The following FAM161A variants were observed in gnomAD, a reference collection of about 807,000 sequenced individuals.
FAM161A encodes the protein FAM161 centrosomal protein A, also known as protein FAM161A.
A neutral mutation model predicts 70.9 loss-of-function variants in FAM161A; 57 were observed. That is an observed-to-expected ratio of 0.80 (90% confidence interval 0.65 to 1.00). FAM161A has a LOEUF of 1.00. FAM161A is among the 50% of genes least tolerant of loss of function. The pLI is 0.00. For synonymous variants in FAM161A, 299 were observed against 295.7 expected (o/e 1.01, Z -0.12); for missense variants, 880 against 836.0 (o/e 1.05, Z -0.65).
At chr2:61,842,693 C>A (rs1433373397) in intron 1 of FAM161A, among the ~76,000 whole-genome samples, 1 of 152,168 alleles carries the variant, frequency 6.6e-6, no homozygotes, top group Non-Finnish European at 1.5e-5. Flanking sequence ...CTATAAGGAG[C>A]CTCCTGAGTT....
chr2:61,821,380 AT>A (rs1464422773), downstream of FAM161A, among the ~76,000 whole-genome samples: 1 of 151,858 alleles, frequency 6.6e-6, no homozygotes, highest in South Asian at 2.1e-4. Flanking sequence ...TTATATACCA[AT>A]TTTTTTCCTT....
In FAM161A at chr2:61,839,637, G is replaced by T. The variant is rs1400286933; in HGVS notation, c.1367C>A (p.Pro456Gln). 6.2e-7 allele frequency: 1 copy of T among 1,614,162 alleles called. No individual in the cohort carries two copies. The highest frequency in any genetic ancestry group is 8.5e-7 in the Non-Finnish European group (1 of 1,180,024). Residue 456 changes from proline (P) to glutamine (Q), a missense_variant, in exon 3 of 7, where the codon CCA (proline) becomes CAA (glutamine). Coordinates refer to ENST00000404929, the MANE Select transcript of FAM161A (RefSeq NM_001201543.2). Reference sequence around the variant, plus strand: ...ATGTGGAGATGCATGAAGATCAAATGGTTTACACACTGTTAAGAGTTTTGG... The same window carrying T: ...ATGTGGAGATGCATGAAGATCAAATTGTTTACACACTGTTAAGAGTTTTGG... ...KSPKLLTVCK[P>Q]FDLHASPHAS...
At chr2:61,849,457 T>C (rs1005113608) in intron 1 of FAM161A, among the ~76,000 whole-genome samples, 1 of 151,530 alleles carries the variant, frequency 6.6e-6, no homozygotes, top group Non-Finnish European at 1.5e-5. Context: ...CTGGGCAACA[T>C]AGTGAGACCT....
In FAM161A at chr2:61,839,649, G is replaced by A. The variant is rs766107015; in HGVS notation, c.1355C>T (p.Thr452Ile). ...ATGAAGATCAAATGGTTTACACACT[G>A]TTAAGAGTTTTGGAGACTTGTGTTC... Reference protein sequence around the residue: ...LSEHKSPKLLTVCKPFDLHAS... With the variant: ...LSEHKSPKLLIVCKPFDLHAS... The change falls in exon 3 of 7, where the codon ACA (threonine) becomes ATA (isoleucine). Residue 452 changes from threonine (T) to isoleucine (I), a missense_variant. Transcript: ENST00000404929. 2 of 1,613,918 alleles carry A rather than the reference G, an allele frequency of 1.2e-6. No individual in the cohort carries two copies. Among genetic ancestry groups the A allele is most frequent in the East Asian group, 2.2e-5 (1 of 44,892 alleles).
chr2:61,827,092 T>C lies in FAM161A; in HGVS notation c.2006+12A>G. 6.2e-7 allele frequency: 1 copy of C among 1,613,084 alleles called. No homozygotes were observed. The highest frequency in any genetic ancestry group is 8.5e-7 in the Non-Finnish European group (1 of 1,179,688). Reference sequence around the variant, plus strand: ...TCAAAGGTAAGCCATTCAGACATCTTATATATGTTACCTTTCTTTGTCTTC... The same window carrying C: ...TCAAAGGTAAGCCATTCAGACATCTCATATATGTTACCTTTCTTTGTCTTC... On this transcript the variant is annotated intron_variant, in intron 6 of 6. Transcript: ENST00000404929.
rs1416130956 is a variant in FAM161A, at chr2:61,832,060, A to G, written c.1851+3950T>C. The stretch of plus-strand genomic sequence containing the variant: ...GGAGCTTAAGACCAGCATGGACAAC[A>G]CAGTAACACCCCTGTCTTTACAAAA... On this transcript the variant is annotated intron_variant, in intron 5 of 6. Coordinates refer to ENST00000404929, the MANE Select transcript of FAM161A (RefSeq NM_001201543.2). Among the ~76,000 whole-genome samples the G allele has an allele frequency of 3.9e-5, 6 of 152,018 alleles. No individual in the cohort carries two copies. The East Asian group carries it at 1.2e-3, about 29-fold the overall frequency.
At chr2:61,809,955 G>A in the FAM161A span, among the ~76,000 whole-genome samples, 14 of 152,306 alleles carry the variant, frequency 9.2e-5, no homozygotes, top group African/African-American at 2.9e-4. Context: ...CCAGCTGACA[G>A]CTAGTGTCTA....
At position 61,836,075 on chromosome 2, in the gene FAM161A, G is replaced by A. The variant is rs267606793; in HGVS notation, c.1786C>T (p.Arg596Ter). Residue 596 changes from arginine (R) to a stop codon, truncating the protein, a stop_gained, in exon 5 of 7, where the codon CGA (arginine) becomes TGA (stop). Coordinates refer to ENST00000404929, the MANE Select transcript of FAM161A (RefSeq NM_001201543.2). LOFTEE classifies it high-confidence loss of function. ...TTTTCTTCTCTTTCTTCTAGTTCTCGTTGGTATTCTCTCATCCTTTCCTTT... is the reference window on the plus strand; with the variant it reads ...TTTTCTTCTCTTTCTTCTAGTTCTCATTGGTATTCTCTCATCCTTTCCTTT... ...SEKERMREYQ[R>*]ELEEREEKLK... The A allele has an allele frequency of 2.4e-5, 39 of 1,609,270 alleles. No homozygotes were observed. The highest frequency in any genetic ancestry group is 3.0e-5 in the Non-Finnish European group (35 of 1,178,534).
chr2:61,801,944 C>G, the FAM161A span, among the ~76,000 whole-genome samples: 2 of 152,150 alleles, frequency 1.3e-5, no homozygotes, highest in Non-Finnish European at 2.9e-5. Flanking sequence ...AAAACAAACA[C>G]AAACTTCTAT....
At chr2:61,836,273 C>G (rs1672771586) in intron 4 of FAM161A, 164 bp from the exon 5 acceptor site, 1 of 618,062 alleles carries the variant, frequency 1.6e-6, no homozygotes, top group Admixed American at 3.0e-5. Context: ...TCACAGTTTA[C>G]CTCGATTCCT....
rs753463279 is a variant in FAM161A, at chr2:61,827,204, C to T, written c.1906G>A (p.Gly636Arg). 5 of 1,613,750 alleles carry T rather than the reference C, an allele frequency of 3.1e-6. No homozygotes were observed. In the African/African-American group the frequency reaches 5.3e-5, roughly 17 times the overall value. ...KHYSNTLKAL[G>R]ISDEFVSKKG... ...TTTGAAACAAACTCATCAGATATTC[C>T]TAGTGCTTTTAGGGTATTAGAATAA... The change falls in exon 6 of 7, where the codon GGA becomes AGA. Residue 636 changes from glycine to arginine, a missense_variant. Physicochemically the swap from Gly to Arg is moderately radical, Grantham distance 125. Coordinates refer to ENST00000404929, the MANE Select transcript of FAM161A (RefSeq NM_001201543.2).
chr2:61,824,998 G>T lies in FAM161A; in HGVS notation c.*1457C>A, dbSNP rs767224633. 2.2e-6 allele frequency: 1 copy of T among 452,978 alleles called. No individual in the cohort carries two copies. Among genetic ancestry groups the T allele is most frequent in the Non-Finnish European group, 4.4e-6 (1 of 226,596 alleles). The allele number at this position is 452,978 out of a possible 1,614,324, so 28.1% of individuals were successfully genotyped here. A position where few individuals can be genotyped will look rare whatever the true frequency, so the allele number is the denominator to read the frequency against. ...ATAATAGTAAAAAGTAATTTAACAC[G>T]AACTGTAGGAAGAAAATTACAAGTA... On this transcript the variant is annotated 3_prime_UTR_variant, in exon 7 of 7. Transcript: ENST00000404929.
the FAM161A span, among the ~76,000 whole-genome samples, chr2:61,809,519 G>C: frequency 6.6e-6 from 1 of 152,142 alleles, no homozygotes; most frequent in African/African-American, 2.4e-5. Context: ...CATGTCTATG[G>C]AAGAGCTTTG....
intron 1 of FAM161A, among the ~76,000 whole-genome samples, chr2:61,846,509 G>A (rs1276303748): frequency 6.6e-6 from 1 of 152,134 alleles, no homozygotes; most frequent in Non-Finnish European, 1.5e-5. Flanking sequence ...TACAAGCCTG[G>A]GCTCCGCACT....
At chr2:61,834,465 C>T (rs1672697888) in intron 5 of FAM161A, among the ~76,000 whole-genome samples, 1 of 142,578 alleles carries the variant, frequency 7.0e-6, no homozygotes, top group Non-Finnish European at 1.5e-5. Flanking sequence ...ACAATATACC[C>T]TTTTTTTTTT....
chr2:61,804,762 A>AAGAAAG, the FAM161A span, among the ~76,000 whole-genome samples: 2 of 89,430 alleles, frequency 2.2e-5, no homozygotes, highest in Admixed American at 2.5e-4. Context: ...AAGAAAGAAA[A>AAGAAAG]AGAAAGAGAA....
At chr2:61,838,887 T>A (rs904044513) in intron 3 of FAM161A, among the ~76,000 whole-genome samples, 182 bp from the exon 4 acceptor site, 1 of 134,412 alleles carries the variant, frequency 7.4e-6, no homozygotes, top group African/African-American at 2.8e-5. Flanking sequence ...TTTATTTATT[T>A]ATTTATTTTT....
At chr2:61,803,416 G>T in the FAM161A span, 1 of 686,014 alleles carries the variant, frequency 1.5e-6, no homozygotes, top group East Asian at 2.7e-5. Flanking sequence ...GAACAGAATG[G>T]AGAAAGTCAG....
chr2:61,854,022 A>G lies in FAM161A; in HGVS notation c.20T>C (p.Val7Ala). 1 of 1,610,408 alleles carries G rather than the reference A, an allele frequency of 6.2e-7. No homozygotes were observed. Among genetic ancestry groups the G allele is most frequent in the Non-Finnish European group, 8.5e-7 (1 of 1,178,532 alleles). Residue 7 changes from valine to alanine, a missense_variant, in exon 1 of 7, where the codon GTG becomes GCG. Val to Ala is a moderately conservative substitution (Grantham distance 64). Coordinates refer to ENST00000404929, the MANE Select transcript of FAM161A (RefSeq NM_001201543.2). MATSHR[V>A]AKLVASSLQT... ...GAGACTGGAGGCCACCAGCTTCGCC[A>G]CTCGGTGGGAGGTGGCCATCGCCCC...
Sources: allele counts gnomAD v4.1 joint callset (sites outside exome capture counted in the v4.1 genomes callset), GRCh38; gene constraint gnomAD v4.1.1; transcripts MANE v1.5; gene names NCBI Gene and HGNC (gene_info 2026-07-23, HGNC 2026-07-21).